Variants in ALPL observed in about 807,000 individuals in gnomAD.
ALPL encodes the protein alkaline phosphatase, tissue-nonspecific isozyme.
A neutral mutation model predicts 51.3 loss-of-function variants in ALPL; 42 were observed. The observed-to-expected ratio is 0.82, with a 90% CI of 0.64 to 1.06. The LOEUF (loss-of-function observed/expected upper bound fraction) is 1.06, where lower values mean the gene tolerates loss of function less well. Among genes scored for constraint, ALPL ranks in the 50% least tolerant of loss-of-function variants. The probability of loss-of-function intolerance (pLI) is 0.00; values close to 1 mark genes in which losing one functional copy is unlikely to be tolerated. For missense variants in ALPL, 589 were observed against 709.4 expected (o/e 0.83, Z 1.93); for synonymous variants, 279 against 296.4 (o/e 0.94, Z 0.60).
chr1:21,536,105 G>A (rs1350822358), intron 1 of ALPL, among the ~76,000 whole-genome samples: 1 of 152,246 alleles, frequency 6.6e-6, no homozygotes, highest in African/African-American at 2.4e-5. Context: ...GGTGGTCAAA[G>A]GGTTGTAAAC....
intron 1 of ALPL, among the ~76,000 whole-genome samples, chr1:21,534,252 A>C (rs1644068721): frequency 6.6e-6 from 1 of 152,176 alleles, no homozygotes. Flanking sequence ...CTGGGATTAC[A>C]CGTGTCAGCC....
intron 1 of ALPL, among the ~76,000 whole-genome samples, chr1:21,552,106 TCCTCCCCTTCCCTTTCCTCCCTCC>T (rs1558542035): frequency 8.9e-5 from 3 of 33,786 alleles, no homozygotes; most frequent in Non-Finnish European, 1.0e-4. Context: ...CCCTTCCCTT[TCCTCCCCTTCCCTTTCCTCCCTCC>T]CCTCCCCTCC....
intron 1 of ALPL, among the ~76,000 whole-genome samples, chr1:21,530,464 C>T (rs1049274864): frequency 1.3e-5 from 2 of 152,124 alleles, no homozygotes; most frequent in Non-Finnish European, 2.9e-5. Context: ...TGACCCTAGT[C>T]GCCCAGTTCC....
At chr1:21,525,645 G>C (rs1327004381) in intron 1 of ALPL, among the ~76,000 whole-genome samples, 1 of 152,218 alleles carries the variant, frequency 6.6e-6, no homozygotes, top group Non-Finnish European at 1.5e-5. Context: ...TGAGGCCCAG[G>C]GTTAGGTGCT....
chr1:21,572,283 G>C (rs1644660148), intron 8 of ALPL, among the ~76,000 whole-genome samples: 1 of 152,188 alleles, frequency 6.6e-6, no homozygotes, highest in Admixed American at 6.5e-5. Context: ...GACTGGGGCT[G>C]GTGCTTCCAG....
At chr1:21,567,216 G>A (rs1201991637) in intron 6 of ALPL, among the ~76,000 whole-genome samples, 4 of 152,244 alleles carry the variant, frequency 2.6e-5, no homozygotes, top group Non-Finnish European at 4.4e-5. Flanking sequence ...CTCCCAAGGT[G>A]TCAGCCAGGG....
Position 21,577,386 on chromosome 1 carries a change from A to T in ALPL, c.1313A>T (p.His438Leu). 1 of 1,613,270 alleles carries T rather than the reference A, an allele frequency of 6.2e-7. No homozygotes were observed. ...RENVSMVDYA[H>L]NNYQAQSAVP... ...AGGTGTTTCCCCTGGCCCACAGCTC[A>T]CAACAACTACCAGGCGCAGTCTGCT... The change falls in exon 12 of 12, where the codon CAC becomes CTC. Residue 438 changes from histidine (H) to leucine (L), a missense_variant. Coordinates refer to ENST00000374840, the MANE Select transcript of ALPL (RefSeq NM_000478.6).
intron 1 of ALPL, among the ~76,000 whole-genome samples, chr1:21,535,641 T>C (rs1190057631): frequency 6.6e-6 from 1 of 151,732 alleles, no homozygotes; most frequent in Admixed American, 6.6e-5. Context: ...AGAGTGAAGC[T>C]GGATGGGCCA....
intron 1 of ALPL, among the ~76,000 whole-genome samples, chr1:21,552,210 GCGGCAGCTCACAC>G (rs1644340512): frequency 7.0e-6 from 1 of 142,172 alleles, no homozygotes; most frequent in Non-Finnish European, 1.5e-5. Flanking sequence ...TTGGATGGGC[GCGGCAGCTCACAC>G]CTGTAATCCC....
chr1:21,575,869 C>T lies in ALPL; in HGVS notation c.1134C>T (p.Asp378=). The change falls in exon 10 of 12, where the codon GAC becomes GAT. Residue 378 remains aspartate, a synonymous_variant. Coordinates refer to ENST00000374840, the MANE Select transcript of ALPL (RefSeq NM_000478.6). Reference sequence around the variant, plus strand: ...ACACTCTGACCGTGGTCACTGCGGACCATTCCCACGTCTTCACATTTGGTG... The same window carrying T: ...ACACTCTGACCGTGGTCACTGCGGATCATTCCCACGTCTTCACATTTGGTG... ...SEDTLTVVTA[D]HSHVFTFGGY... 6.2e-7 allele frequency: 1 copy of T among 1,614,240 alleles called. No individual in the cohort carries two copies. The highest frequency in any genetic ancestry group is 8.5e-7 in the Non-Finnish European group (1 of 1,180,048).
rs192819278 is a variant in ALPL, at chr1:21,555,919, C to T, written c.61+1777C>T. On this transcript the variant is annotated intron_variant, in intron 2 of 11. Transcript: ENST00000374840. The stretch of plus-strand genomic sequence containing the variant: ...CCAAGTAGCTGGGACTACAGGTGCC[C>T]GCCACCACGCGCAGCTAATTTTTTT... Among the ~76,000 whole-genome samples the T allele has an allele frequency of 9.3e-3, 1,418 of 151,870 alleles. 27 individuals are homozygous for T. Among genetic ancestry groups the T allele is most frequent in the African/African-American group, 0.032 (1,314 of 41,410 alleles).
chr1:21,552,209 C>T (rs1048914529), intron 1 of ALPL, among the ~76,000 whole-genome samples: 1 of 142,426 alleles, frequency 7.0e-6, no homozygotes, highest in Non-Finnish European at 1.5e-5. Context: ...CTTGGATGGG[C>T]GCGGCAGCTC....
chr1:21,561,471 C>G (rs1644483900), intron 4 of ALPL, among the ~76,000 whole-genome samples: 1 of 152,108 alleles, frequency 6.6e-6, no homozygotes, highest in Non-Finnish European at 1.5e-5. Context: ...CTCACTGCAG[C>G]CTCCAACTCC....
chr1:21,563,721 G>A (rs1236946987), intron 5 of ALPL, among the ~76,000 whole-genome samples: 2 of 152,178 alleles, frequency 1.3e-5, no homozygotes, highest in African/African-American at 4.8e-5. Context: ...CAACATACAG[G>A]TGACAGAGCC....
chr1:21,576,271 G>GTGGA (rs1041977662), intron 10 of ALPL, among the ~76,000 whole-genome samples: 4 of 21,994 alleles, frequency 1.8e-4, no homozygotes, highest in Admixed American at 1.0e-3. Context: ...GGATGGATGG[G>GTGGA]TGGATGGATG....
chr1:21,540,989 C>T (rs1644176480), intron 1 of ALPL, among the ~76,000 whole-genome samples: 1 of 152,218 alleles, frequency 6.6e-6, no homozygotes, highest in African/African-American at 2.4e-5. Flanking sequence ...CGCTTAAGAA[C>T]AGGCCCTTTG....
intron 11 of ALPL, 74 bp downstream of exon 11, chr1:21,576,715 G>GGT (rs1644742892): frequency 6.3e-7 from 1 of 1,594,760 alleles, no homozygotes; most frequent in Non-Finnish European, 8.6e-7. Flanking sequence ...TAGGGTGTCA[G>GGT]CTTGTGGTCA....
rs547986162 is a variant in ALPL at position 21,572,510 on chromosome 1, C to T, written c.863-1155C>T. On this transcript the variant is annotated intron_variant, in intron 8 of 11. Transcript: ENST00000374840. ...CATTTCGGTGGCATTCTATGGCATA[C>T]AAAGGCTAGTGTGGGAGGAGACCAC... 3.9e-5 allele frequency among the ~76,000 whole-genome samples: 6 copies of T among 152,272 alleles called. No individual in the cohort carries two copies. In the South Asian group the frequency reaches 1.2e-3, roughly 32 times the overall value.
chr1:21,570,410 C>T (rs756611581), intron 8 of ALPL, 36 bp downstream of exon 8: 32 of 1,606,746 alleles, frequency 2.0e-5, no homozygotes, highest in South Asian at 6.6e-5. Flanking sequence ...ATGCATGGCT[C>T]GGAGCCTGGT....
Sources: gnomAD v4.1 joint callset for allele counts (sites outside exome capture counted in the v4.1 genomes callset) on GRCh38, gnomAD v4.1.1 for gene constraint, MANE v1.5 for transcripts, NCBI Gene and HGNC (gene_info 2026-07-23, HGNC 2026-07-21) for gene names.